RBM25: variants seen among roughly 807,000 people sequenced by gnomAD.
RBM25 encodes the protein RNA-binding protein 25.
RBM25 carries 19 observed loss-of-function variants against 120.7 expected under a neutral mutation model. The ratio of observed to expected loss-of-function variants is 0.16; its 90% CI spans 0.11 to 0.23. The LOEUF is 0.23. Among genes scored for constraint, RBM25 ranks in the 10% least tolerant of loss-of-function variants. The probability of loss-of-function intolerance (pLI) is 1.00; values close to 1 mark genes in which losing one functional copy is unlikely to be tolerated. For synonymous variants in RBM25, 390 were observed against 326.7 expected (o/e 1.19, Z -2.09); for missense variants, 605 against 1,041.5 (o/e 0.58, Z 5.77).
At chr14:73,103,166 C>T in intron 9 of RBM25, 26 bp from the exon 10 acceptor site, 2 of 1,599,478 alleles carry the variant, frequency 1.3e-6, no homozygotes, top group Non-Finnish European at 1.7e-6. Flanking sequence ...AGAGTTAACT[C>T]TAAAAGTGCT....
At chr14:73,063,668 A>G (rs1243204282) in intron 1 of RBM25, among the ~76,000 whole-genome samples, 1 of 151,094 alleles carries the variant, frequency 6.6e-6, no homozygotes, top group Non-Finnish European at 1.5e-5. Flanking sequence ...TTTCACCACT[A>G]CCACCTGTTC....
chr14:73,100,374 C>T (rs748599925), intron 9 of RBM25: 1 of 636,930 alleles, frequency 1.6e-6, no homozygotes, highest in Non-Finnish European at 2.9e-6. Flanking sequence ...TAAGTATGAG[C>T]TTCTGTTTTT....
chr14:73,094,639 G>T (rs1398662754), intron 6 of RBM25, among the ~76,000 whole-genome samples: 1 of 152,070 alleles, frequency 6.6e-6, no homozygotes, highest in Non-Finnish European at 1.5e-5. Flanking sequence ...CACCATGTTA[G>T]CCAGGATGGT....
At chr14:73,095,089 C>A (rs1335200592) in intron 6 of RBM25, among the ~76,000 whole-genome samples, 1 of 151,712 alleles carries the variant, frequency 6.6e-6, no homozygotes, top group African/African-American at 2.4e-5. Context: ...CTCCTGACCT[C>A]GTCATCTGCC....
chr14:73,063,316 A>C (rs1014068461), intron 1 of RBM25, among the ~76,000 whole-genome samples: 2 of 150,722 alleles, frequency 1.3e-5, no homozygotes, highest in African/African-American at 4.9e-5. Context: ...TGCCCGGCTA[A>C]ATTTTTGTAT....
At chr14:73,082,610 A>G (rs1179960770) in intron 4 of RBM25, among the ~76,000 whole-genome samples, 2 of 152,178 alleles carry the variant, frequency 1.3e-5, no homozygotes, top group African/African-American at 2.4e-5. Context: ...AAAGTATAAT[A>G]GTGTCCTACC....
intron 17 of RBM25, among the ~76,000 whole-genome samples, chr14:73,112,904 A>G (rs1327068004): frequency 1.3e-5 from 2 of 151,916 alleles, no homozygotes; most frequent in Admixed American, 6.6e-5. Flanking sequence ...CCCAGCCTAG[A>G]CTGATCTTCC....
chr14:73,114,540 A>G (rs573693446), intron 18 of RBM25, among the ~76,000 whole-genome samples: 11 of 152,170 alleles, frequency 7.2e-5, no homozygotes, highest in Non-Finnish European at 1.6e-4. Flanking sequence ...ACTATTATTA[A>G]TATTTTAATT....
chr14:73,119,484 C>T (rs186437765), intron 18 of RBM25, among the ~76,000 whole-genome samples: 1 of 152,266 alleles, frequency 6.6e-6, no homozygotes, highest in Admixed American at 6.5e-5. Context: ...TCAGGATGGT[C>T]TTGATCTCCT....
intron 18 of RBM25, among the ~76,000 whole-genome samples, chr14:73,117,743 A>G (rs1352646113): frequency 6.6e-6 from 1 of 152,186 alleles, no homozygotes; most frequent in East Asian, 1.9e-4. Context: ...ATTTGAACCT[A>G]TGTAGCCTGA....
At chr14:73,118,062 G>A (rs1896471806) in intron 18 of RBM25, among the ~76,000 whole-genome samples, 1 of 152,220 alleles carries the variant, frequency 6.6e-6, no homozygotes. Context: ...GTAGTCATGT[G>A]TGCCCCGTGA....
chr14:73,093,948 G>GTT (rs1004873413), intron 6 of RBM25, among the ~76,000 whole-genome samples: 12,016 of 122,106 alleles, frequency 0.098, 1,543 homozygotes, highest in African/African-American at 0.29. Flanking sequence ...ATCAGGTTTT[G>GTT]TTTTTTTTTT....
At chr14:73,111,935 A>ACT in intron 16 of RBM25, 133 bp downstream of exon 16, 1 of 1,221,450 alleles carries the variant, frequency 8.2e-7, no homozygotes, top group African/African-American at 1.5e-5. Context: ...CTTGACACCA[A>ACT]CTCAATGCCA....
intron 3 of RBM25, 50 bp from the exon 4 acceptor site, chr14:73,077,319 G>A: frequency 1.4e-6 from 2 of 1,474,100 alleles, no homozygotes; most frequent in Non-Finnish European, 1.9e-6. Flanking sequence ...GTTAATTGTG[G>A]TAGGAAATTT....
chr14:73,060,122 T>C (rs1265316843), intron 1 of RBM25, among the ~76,000 whole-genome samples: 1 of 151,940 alleles, frequency 6.6e-6, no homozygotes, highest in Non-Finnish European at 1.5e-5. Flanking sequence ...CACTGCAACC[T>C]CCGCCTCCCA....
chr14:73,088,322 T>A (rs773840899), intron 6 of RBM25, 161 bp downstream of exon 6: 5 of 938,790 alleles, frequency 5.3e-6, no homozygotes, highest in Non-Finnish European at 8.3e-6. Flanking sequence ...TTATTTTAAG[T>A]CTTATCTGCC....
intron 4 of RBM25, among the ~76,000 whole-genome samples, chr14:73,080,072 AG>A (rs1191211615): frequency 6.7e-6 from 1 of 150,350 alleles, no homozygotes; most frequent in Non-Finnish European, 1.5e-5. Context: ...GTATGTGAAA[AG>A]ATTCTCATCA....
At chr14:73,072,218 G>A (rs1048595251) in intron 2 of RBM25, among the ~76,000 whole-genome samples, 15 of 151,742 alleles carry the variant, frequency 9.9e-5, no homozygotes, top group Admixed American at 8.5e-4. Flanking sequence ...ATGATCTGCC[G>A]GCCTCCGGCT....
chr14:73,107,553 C>G, intron 12 of RBM25: 1 of 320,128 alleles, frequency 3.1e-6, no homozygotes, highest in Non-Finnish European at 5.7e-6. Context: ...AACACCGTTT[C>G]CCAGGCTAGC....
Sources: allele counts gnomAD v4.1 joint callset (sites outside exome capture counted in the v4.1 genomes callset), GRCh38; gene constraint gnomAD v4.1.1; transcripts MANE v1.5; gene names NCBI Gene and HGNC (gene_info 2026-07-23, HGNC 2026-07-21).